The following DNAH7 variants were observed in gnomAD, a reference collection of about 807,000 sequenced individuals.
DNAH7 encodes dynein axonemal heavy chain 7.
In DNAH7, 397 loss-of-function variants were observed where a neutral mutation model predicts 444.6. That is an observed-to-expected ratio of 0.89 (90% CI 0.82 to 0.97). The LOEUF is 0.97. DNAH7 is among the 50% of genes least tolerant of loss of function. The pLI is 0.00. For missense variants in DNAH7, 4,902 were observed against 4,800.8 expected, an observed-to-expected ratio of 1.02 and a Z score of -0.62; for synonymous variants, 1,636 against 1,624.4, an observed-to-expected ratio of 1.01 and a Z score of -0.17.
chr2:195,866,182 A>G (rs1271918222), intron 40 of DNAH7, among the ~76,000 whole-genome samples: 4 of 152,198 alleles, frequency 2.6e-5, no homozygotes, highest in Non-Finnish European at 5.9e-5. Context: ...TACCTCGCAA[A>G]TCTCATAGAT....
chr2:195,860,777 G>A, intron 42 of DNAH7, among the ~76,000 whole-genome samples: 1 of 152,018 alleles, frequency 6.6e-6, no homozygotes, highest in East Asian at 1.9e-4. Context: ...GTTGTTTTAT[G>A]TATTCTTTTT....
chr2:195,863,825 C>T (rs1559158276), intron 41 of DNAH7, among the ~76,000 whole-genome samples: 1 of 152,190 alleles, frequency 6.6e-6, no homozygotes, highest in Non-Finnish European at 1.5e-5. Flanking sequence ...TTAACCCTGC[C>T]TACCCCTCTG....
At chr2:195,961,064 T>A in intron 17 of DNAH7, 119 bp from the exon 18 acceptor site, 1 of 720,524 alleles carries the variant, frequency 1.4e-6, no homozygotes, top group Non-Finnish European at 2.0e-6. Context: ...GCCCTGAAGT[T>A]AAACTTCAAT....
At position 195,775,787 on chromosome 2, in the gene DNAH7, C is replaced by T. The variant is rs1176601; in HGVS notation, c.11202+59G>A. 2.1e-3 allele frequency: 3,228 copies of T among 1,554,452 alleles called. 62 individuals are homozygous for T. The African/African-American group carries it at 0.039, about 19-fold the overall frequency. ...AGGAAGCCTGTTCAGTGCTGGCACA[C>T]GTGCCTGGGGAGCATCCTTCCCAGG... is the stretch of plus-strand genomic sequence containing the variant. On this transcript the variant is annotated intron_variant, in intron 60 of 64. Coordinates refer to ENST00000312428, the MANE Select transcript of DNAH7 (RefSeq NM_018897.3).
At chr2:195,803,168 C>T (rs929947886) in intron 54 of DNAH7, among the ~76,000 whole-genome samples, 1 of 152,108 alleles carries the variant, frequency 6.6e-6, no homozygotes, top group Admixed American at 6.5e-5. Context: ...CCACTTTTTC[C>T]GTAATCTCTT....
At chr2:195,752,817 C>A (rs1263677790) in intron 63 of DNAH7, among the ~76,000 whole-genome samples, 2 of 152,092 alleles carry the variant, frequency 1.3e-5, no homozygotes, top group Non-Finnish European at 2.9e-5. Flanking sequence ...TGGGATTTGT[C>A]AACATAGAAG....
chr2:195,999,339 T>C, intron 12 of DNAH7: 3 of 646,926 alleles, frequency 4.6e-6, no homozygotes, highest in South Asian at 1.8e-5. Context: ...CAACCAGTAT[T>C]GTCTTTGAAA....
chr2:195,889,326 C>CT (rs938084600), intron 31 of DNAH7, among the ~76,000 whole-genome samples: 2 of 124,600 alleles, frequency 1.6e-5, no homozygotes, highest in Non-Finnish European at 1.7e-5. Flanking sequence ...TCTTTCTTTT[C>CT]TTTTTTTTTC....
At chr2:195,738,518 G>A (rs1692790993) in intron 64 of DNAH7, among the ~76,000 whole-genome samples, 1 of 152,046 alleles carries the variant, frequency 6.6e-6, no homozygotes, top group East Asian at 1.9e-4. Context: ...ATTCTGAAGG[G>A]ATTTTTATCA....
chr2:195,866,198 G>T (rs1025602431), intron 40 of DNAH7, among the ~76,000 whole-genome samples: 56 of 152,154 alleles, frequency 3.7e-4, no homozygotes, highest in African/African-American at 1.3e-3. Context: ...TAGATTTGGG[G>T]AAAAAGTAAC....
intron 19 of DNAH7, among the ~76,000 whole-genome samples, chr2:195,946,245 C>T (rs1689796596): frequency 2.0e-5 from 3 of 152,086 alleles, no homozygotes; most frequent in Admixed American, 2.0e-4. Context: ...AATTTTTTCC[C>T]ATAACCTAAT....
chr2:195,887,083 T>TA (rs1260614545), intron 33 of DNAH7, among the ~76,000 whole-genome samples: 1 of 152,152 alleles, frequency 6.6e-6, no homozygotes, highest in Non-Finnish European at 1.5e-5. Context: ...ATAAAACAGA[T>TA]ACTTATTACT....
chr2:195,975,621 C>T (rs1017438623), intron 15 of DNAH7, among the ~76,000 whole-genome samples: 8 of 152,120 alleles, frequency 5.3e-5, no homozygotes, highest in Non-Finnish European at 1.2e-4. Context: ...CTCCCCCAAC[C>T]CCAGGCAGCA....
At chr2:195,744,646 C>T (rs2105885535) in intron 63 of DNAH7, among the ~76,000 whole-genome samples, 1 of 152,290 alleles carries the variant, frequency 6.6e-6, no homozygotes, top group South Asian at 2.1e-4. Context: ...GGGTACTCCT[C>T]TGAGACAAAA....
At chr2:195,783,086 G>A (rs1365539400) in intron 58 of DNAH7, among the ~76,000 whole-genome samples, 1 of 152,034 alleles carries the variant, frequency 6.6e-6, no homozygotes, top group African/African-American at 2.4e-5. Flanking sequence ...TCCCTGTCTG[G>A]ATTAATGAAT....
chr2:195,766,165 T>G (rs142878118), intron 61 of DNAH7, among the ~76,000 whole-genome samples: 3 of 125,922 alleles, frequency 2.4e-5, no homozygotes, highest in Non-Finnish European at 3.4e-5. Flanking sequence ...TTGTGGGAGC[T>G]AATTTTTTTT....
intron 55 of DNAH7, among the ~76,000 whole-genome samples, chr2:195,797,175 T>TA (rs1696185569): frequency 6.6e-6 from 1 of 152,234 alleles, no homozygotes; most frequent in Non-Finnish European, 1.5e-5. Context: ...GGCTACTGTA[T>TA]AAAAGAGAAT....
intron 60 of DNAH7, among the ~76,000 whole-genome samples, chr2:195,775,293 T>C (rs1031982368): frequency 6.6e-6 from 1 of 152,214 alleles, no homozygotes; most frequent in South Asian, 2.1e-4. Flanking sequence ...ATTCTTCTCC[T>C]ATACTTTTAA....
chr2:195,899,020 A>T (rs934791826), intron 28 of DNAH7, among the ~76,000 whole-genome samples: 10 of 152,154 alleles, frequency 6.6e-5, no homozygotes, highest in African/African-American at 2.4e-4. Context: ...CTGCCTAATA[A>T]ATGCCATATT....
Sources: allele counts gnomAD v4.1 joint callset (sites outside exome capture counted in the v4.1 genomes callset), GRCh38; gene constraint gnomAD v4.1.1; transcripts MANE v1.5; gene names NCBI Gene and HGNC (gene_info 2026-07-23, HGNC 2026-07-21).